ADRA1B: variants seen among roughly 807,000 people sequenced by gnomAD.
ADRA1B encodes alpha-1B adrenergic receptor.
In ADRA1B, 17 loss-of-function variants were observed where a neutral mutation model predicts 17.9. The ratio of observed to expected loss-of-function variants is 0.95; its 90% confidence interval spans 0.65 to 1.42. The LOEUF (loss-of-function observed/expected upper bound fraction) is 1.42. Among genes scored for constraint, ADRA1B ranks in the 40% most tolerant of loss-of-function variants. ADRA1B has a pLI of 0.00. For synonymous variants in ADRA1B, 366 were observed against 327.6 expected, an observed-to-expected ratio of 1.12 and a Z score of -1.27; for missense variants, 681 against 722.1, an observed-to-expected ratio of 0.94 and a Z score of 0.65.
intron 1 of ADRA1B, among the ~76,000 whole-genome samples, chr5:159,883,688 A>G (rs6861020): frequency 0.71 from 107,766 of 152,152 alleles, 39,968 homozygotes; most frequent in African/African-American, 0.88. Context: ...AAGTTACTTC[A>G]AGCTCTAAGA....
At chr5:159,873,939 A>G (rs1484478321) in intron 1 of ADRA1B, among the ~76,000 whole-genome samples, 2 of 152,316 alleles carry the variant, frequency 1.3e-5, no homozygotes, top group Middle Eastern at 3.4e-3. Flanking sequence ...AAGTACAACC[A>G]TCAGCTTTTT....
intron 1 of ADRA1B, among the ~76,000 whole-genome samples, chr5:159,959,349 G>A (rs1181355605): frequency 6.6e-6 from 1 of 152,218 alleles, no homozygotes; most frequent in Non-Finnish European, 1.5e-5. Flanking sequence ...TTATGAACCC[G>A]ATACTGAGTT....
intron 1 of ADRA1B, among the ~76,000 whole-genome samples, chr5:159,936,898 CTG>C (rs1036611088): frequency 2.6e-5 from 4 of 152,224 alleles, no homozygotes; most frequent in African/African-American, 9.7e-5. Flanking sequence ...GAGCTGCTGA[CTG>C]TGTTGTCAGA....
At chr5:159,948,688 C>A (rs1025991537) in intron 1 of ADRA1B, among the ~76,000 whole-genome samples, 6 of 152,138 alleles carry the variant, frequency 3.9e-5, no homozygotes, top group Non-Finnish European at 2.9e-5. Flanking sequence ...ATTATGAACA[C>A]GTTTCTAATC....
intron 1 of ADRA1B, among the ~76,000 whole-genome samples, chr5:159,930,846 T>C (rs1216984227): frequency 6.6e-6 from 1 of 151,834 alleles, no homozygotes; most frequent in East Asian, 1.9e-4. Context: ...ATTAAGAAAA[T>C]GTGATAGAAT....
chr5:159,934,111 T>G (rs1252046831), intron 1 of ADRA1B, among the ~76,000 whole-genome samples: 1 of 152,226 alleles, frequency 6.6e-6, no homozygotes, highest in East Asian at 1.9e-4. Context: ...CTTGAGCAGA[T>G]TCTGCCAGGG....
At chr5:159,876,355 C>T (rs1753802468) in intron 1 of ADRA1B, among the ~76,000 whole-genome samples, 1 of 152,220 alleles carries the variant, frequency 6.6e-6, no homozygotes, top group Admixed American at 6.5e-5. Context: ...CCAAGCACCA[C>T]ATCCTCATGA....
In ADRA1B at chr5:159,884,230, C is replaced by T. The variant is rs968111987; in HGVS notation, c.-256+19024C>T. 3.3e-5 allele frequency among the ~76,000 whole-genome samples: 5 copies of T among 152,310 alleles called. No homozygotes were observed. The East Asian group carries it at 5.8e-4, about 18-fold the overall frequency. ...ATTTTCCCAATCCCTAAATGGCATG[C>T]TATTATGTTTGGGGTTGTGTTATGG... is the stretch of plus-strand genomic sequence containing the variant. On this transcript the variant is annotated intron_variant, in intron 1 of 2. Coordinates refer to the ADRA1B transcript ENST00000641205.
At chr5:159,901,744 C>T (rs1754103472) in intron 1 of ADRA1B, among the ~76,000 whole-genome samples, 1 of 152,032 alleles carries the variant, frequency 6.6e-6, no homozygotes, top group African/African-American at 2.4e-5. Flanking sequence ...GGCCAACAAG[C>T]ATAAGAAAAG....
intron 1 of ADRA1B, among the ~76,000 whole-genome samples, chr5:159,892,627 C>T (rs899270235): frequency 1.4e-4 from 22 of 152,300 alleles, no homozygotes; most frequent in Middle Eastern, 3.4e-3. Flanking sequence ...GGATAATGGC[C>T]TCCAGCTCCA....
intron 1 of ADRA1B, among the ~76,000 whole-genome samples, chr5:159,924,743 T>C (rs2113177776): frequency 6.6e-6 from 1 of 151,310 alleles, no homozygotes; most frequent in South Asian, 2.1e-4. Flanking sequence ...AGGAAATGCC[T>C]TTACCTGAGT....
At chr5:159,909,355 C>T (rs1230408182) in intron 1 of ADRA1B, among the ~76,000 whole-genome samples, 1 of 152,162 alleles carries the variant, frequency 6.6e-6, no homozygotes, top group Non-Finnish European at 1.5e-5. Context: ...CTGGTCTGTC[C>T]TCTCCAAAGC....
At chr5:159,904,794 G>A (rs2113125239) in intron 1 of ADRA1B, among the ~76,000 whole-genome samples, 1 of 152,350 alleles carries the variant, frequency 6.6e-6, no homozygotes. Flanking sequence ...TTCCCATAAA[G>A]AGCCTTGGGA....
chr5:159,945,144 T>G (rs568800777), intron 1 of ADRA1B, among the ~76,000 whole-genome samples: 2 of 151,578 alleles, frequency 1.3e-5, no homozygotes, highest in South Asian at 2.1e-4. Flanking sequence ...CTTTGGGAGG[T>G]CAAGACGATC....
At chr5:159,950,914 CCA>C (rs1755422178) in intron 1 of ADRA1B, 5 of 565,774 alleles carry the variant, frequency 8.8e-6, no homozygotes, top group Admixed American at 2.3e-5. Context: ...AGCCGTCGCA[CCA>C]CAGTTTCCCA....
chr5:159,890,196 G>A (rs923690509), intron 1 of ADRA1B, among the ~76,000 whole-genome samples: 4 of 152,118 alleles, frequency 2.6e-5, no homozygotes, highest in Non-Finnish European at 5.9e-5. Flanking sequence ...TGGTTCAGTT[G>A]CATTTCCTGC....
upstream of ADRA1B, chr5:159,916,083 C>A (rs1358838939): frequency 6.6e-6 from 1 of 152,328 alleles, no homozygotes; most frequent in Non-Finnish European, 1.5e-5. Flanking sequence ...GTCCCTCCCA[C>A]CTGCCCAATC....
chr5:159,970,508 T>G (rs1416232328), intron 1 of ADRA1B, among the ~76,000 whole-genome samples: 1 of 152,226 alleles, frequency 6.6e-6, no homozygotes, highest in Admixed American at 6.5e-5. Flanking sequence ...GTCTCCCACC[T>G]CCTGTCACTA....
chr5:159,967,013 T>A (rs1429873586), intron 1 of ADRA1B, among the ~76,000 whole-genome samples: 1 of 152,222 alleles, frequency 6.6e-6, no homozygotes, highest in Non-Finnish European at 1.5e-5. Context: ...GAGAGCAATT[T>A]GGGGAAAGGT....
Sources: allele counts gnomAD v4.1 joint callset (sites outside exome capture counted in the v4.1 genomes callset), GRCh38; gene constraint gnomAD v4.1.1; transcripts MANE v1.5; gene names NCBI Gene and HGNC (gene_info 2026-07-23, HGNC 2026-07-21).